MAGI3: variants seen among roughly 807,000 people sequenced by gnomAD.
MAGI3 encodes membrane associated guanylate kinase, WW and PDZ domain containing 3.
MAGI3 carries 43 observed loss-of-function variants against 121.8 expected under a neutral mutation model. The observed-to-expected ratio is 0.35, with a 90% CI of 0.28 to 0.46. The LOEUF (loss-of-function observed/expected upper bound fraction) is 0.46, where lower values mean the gene tolerates loss of function less well. Ranked by LOEUF, MAGI3 falls within the 20% of genes least tolerant of loss-of-function variation. The pLI, the probability that MAGI3 is intolerant of heterozygous loss-of-function variation, is 1.00. For synonymous variants in MAGI3, 553 were observed against 639.3 expected, an observed-to-expected ratio of 0.86 and a Z score of 2.04; for missense variants, 1,547 against 1,797.3, an observed-to-expected ratio of 0.86 and a Z score of 2.52.
rs983590472 is a variant in MAGI3 at position 113,619,759 on chromosome 1, T to G, written c.1100T>G (p.Phe367Cys). ...YVDHLNQKTQFENPVEEAKRK... is the reference protein window; with the variant it reads ...YVDHLNQKTQCENPVEEAKRK... ...AGTCACCTTAACCAGAAAACCCAGT[T>G]TGAAAATCCAGTGGAGGAAGCCAAA... The change falls in exon 8 of 21, where the codon TTT (phenylalanine) becomes TGT (cysteine). Residue 367 changes from phenylalanine to cysteine, a missense_variant. Physicochemically the swap from Phe to Cys is radical, Grantham distance 205. Coordinates refer to ENST00000307546, the MANE Select transcript of MAGI3 (RefSeq NM_001142782.2). 1 of 1,613,200 alleles carries G rather than the reference T, an allele frequency of 6.2e-7. No homozygotes were observed. Among genetic ancestry groups the G allele is most frequent in the Non-Finnish European group, 8.5e-7 (1 of 1,179,508 alleles).
chr1:113,466,719 C>G (rs1655309014), intron 1 of MAGI3, among the ~76,000 whole-genome samples: 1 of 152,034 alleles, frequency 6.6e-6, no homozygotes, highest in Non-Finnish European at 1.5e-5. Context: ...TTTATATGTG[C>G]AAGAATTTAC....
intron 1 of MAGI3, among the ~76,000 whole-genome samples, chr1:113,441,325 CTG>C (rs1352214103): frequency 1.3e-5 from 2 of 152,152 alleles, no homozygotes; most frequent in African/African-American, 4.8e-5. Flanking sequence ...CCTTCTCACC[CTG>C]TTGATTTTGG....
intron 1 of MAGI3, among the ~76,000 whole-genome samples, chr1:113,460,313 T>C (rs1654966895): frequency 1.3e-5 from 2 of 152,154 alleles, no homozygotes; most frequent in Non-Finnish European, 2.9e-5. Flanking sequence ...ACAGCCAACA[T>C]TGAACTGAAT....
At chr1:113,559,156 A>G (rs1660118929) in intron 2 of MAGI3, among the ~76,000 whole-genome samples, 1 of 152,240 alleles carries the variant, frequency 6.6e-6, no homozygotes, top group South Asian at 2.1e-4. Flanking sequence ...AAGTCTGCAA[A>G]ATAACCAGCT....
chr1:113,397,794 C>A (rs1433359793), intron 1 of MAGI3, among the ~76,000 whole-genome samples: 2 of 151,982 alleles, frequency 1.3e-5, no homozygotes, highest in African/African-American at 4.8e-5. Flanking sequence ...TAATGTTATA[C>A]TATGAATATT....
At position 113,395,087 on chromosome 1, in the gene MAGI3, G is replaced by GT. The variant is rs139532433; in HGVS notation, c.316+3767dup. ...TCTTATCTCTTGAATCTTTTTGTTA[G>GT]TTTTTTTTTTTTTTTTTTTTTTTTT... On this transcript the variant is annotated intron_variant, in intron 1 of 20. Transcript: ENST00000307546. Among the ~76,000 whole-genome samples, 49 of 33,234 alleles carry GT rather than the reference G, an allele frequency of 1.5e-3. 2 individuals carry two copies. The highest frequency in any genetic ancestry group is 5.8e-3 in the South Asian group (3 of 514). 21.8% of individuals were successfully genotyped at this position (33,234 alleles called of 152,430 possible). A position where few individuals can be genotyped will look rare whatever the true frequency, so the allele number is the denominator to read the frequency against.
chr1:113,430,559 CATG>C (rs1450547987), intron 1 of MAGI3, among the ~76,000 whole-genome samples: 23 of 152,116 alleles, frequency 1.5e-4, no homozygotes, highest in Non-Finnish European at 5.9e-5. Context: ...ACTCATGATG[CATG>C]ATATATGACT....
chr1:113,511,705 A>G (rs183006320), intron 1 of MAGI3, among the ~76,000 whole-genome samples: 1 of 152,368 alleles, frequency 6.6e-6, no homozygotes, highest in Admixed American at 6.5e-5. Flanking sequence ...GTACAATTAA[A>G]AGATTGGGTC....
At chr1:113,600,888 C>T (rs1649329458) in intron 6 of MAGI3, among the ~76,000 whole-genome samples, 1 of 152,098 alleles carries the variant, frequency 6.6e-6, no homozygotes, top group African/African-American at 2.4e-5. Flanking sequence ...ATCAATGGGA[C>T]AGAACAGAGC....
intron 19 of MAGI3, among the ~76,000 whole-genome samples, chr1:113,674,255 G>C (rs1271072680): frequency 6.6e-6 from 1 of 152,092 alleles, no homozygotes; most frequent in Admixed American, 6.5e-5. Context: ...AGCCGGGCCT[G>C]GTGGTGCATG....
At chr1:113,512,746 A>T (rs535547536) in intron 1 of MAGI3, among the ~76,000 whole-genome samples, 19 of 152,298 alleles carry the variant, frequency 1.2e-4, no homozygotes, top group African/African-American at 4.3e-4. Context: ...CACCACTCCT[A>T]TTCAACATAG....
intron 19 of MAGI3, among the ~76,000 whole-genome samples, chr1:113,674,593 CTAAG>C (rs900770180): frequency 6.6e-5 from 10 of 151,480 alleles, no homozygotes; most frequent in Admixed American, 2.0e-4. Flanking sequence ...TAATTTTAAA[CTAAG>C]TAATTCAATT....
intron 2 of MAGI3, among the ~76,000 whole-genome samples, chr1:113,561,273 GCAT>G (rs1660224089): frequency 6.6e-6 from 1 of 152,160 alleles, no homozygotes; most frequent in African/African-American, 2.4e-5. Flanking sequence ...TATGAGGCCA[GCAT>G]CATCCTGATA....
intron 4 of MAGI3, among the ~76,000 whole-genome samples, chr1:113,587,944 C>A (rs562403093): frequency 6.6e-6 from 1 of 152,202 alleles, no homozygotes; most frequent in Middle Eastern, 3.4e-3. Flanking sequence ...ATTTATTCAA[C>A]AAATATGTAG....
chr1:113,569,547 T>C (rs1660570833), intron 2 of MAGI3, among the ~76,000 whole-genome samples: 1 of 152,234 alleles, frequency 6.6e-6, no homozygotes, highest in Non-Finnish European at 1.5e-5. Flanking sequence ...ACCATGACTC[T>C]ATTTTCTTCA....
At chr1:113,471,151 T>C (rs796412078) in intron 1 of MAGI3, among the ~76,000 whole-genome samples, 3 of 152,312 alleles carry the variant, frequency 2.0e-5, no homozygotes, top group African/African-American at 7.2e-5. Context: ...ATAAATAACA[T>C]TCCAGCTGAC....
intron 9 of MAGI3, among the ~76,000 whole-genome samples, chr1:113,632,212 TAAC>T (rs1357046153): frequency 6.6e-6 from 1 of 152,212 alleles, no homozygotes; most frequent in Non-Finnish European, 1.5e-5. Flanking sequence ...TTTATAAAGT[TAAC>T]AAACTTTAGA....
chr1:113,438,996 G>T (rs948992660), intron 1 of MAGI3, among the ~76,000 whole-genome samples: 1 of 152,068 alleles, frequency 6.6e-6, no homozygotes, highest in African/African-American at 2.4e-5. Flanking sequence ...CTTCCCTTTG[G>T]CATATCCAAA....
At position 113,539,970 on chromosome 1, in the gene MAGI3, A is replaced by T. The variant is rs117252644; in HGVS notation, c.317-9545A>T. 9.1e-4 allele frequency among the ~76,000 whole-genome samples: 139 copies of T among 152,014 alleles called. 1 individual carries two copies. The East Asian group carries it at 0.026, about 28-fold the overall frequency. Reference sequence around the variant, plus strand: ...CGCCCAGCTAATTTTTTGTATTTTTAAAATACAGACAGCATTTTACCCATC... The same window carrying T: ...CGCCCAGCTAATTTTTTGTATTTTTTAAATACAGACAGCATTTTACCCATC... On this transcript the variant is annotated intron_variant, in intron 1 of 20. Coordinates refer to ENST00000307546, the MANE Select transcript of MAGI3 (RefSeq NM_001142782.2).
Sources: gnomAD v4.1 joint callset for allele counts (sites outside exome capture counted in the v4.1 genomes callset) on GRCh38, gnomAD v4.1.1 for gene constraint, MANE v1.5 for transcripts, NCBI Gene and HGNC (gene_info 2026-07-23, HGNC 2026-07-21) for gene names.